CTNNA2: variants seen among roughly 807,000 people sequenced by gnomAD.
The protein encoded by CTNNA2 is catenin alpha-2.
CTNNA2 carries 42 observed loss-of-function variants against 101.0 expected under a neutral mutation model. That is an observed-to-expected ratio of 0.42 (90% CI 0.32 to 0.54). The LOEUF (loss-of-function observed/expected upper bound fraction) is 0.54, where lower values mean the gene tolerates loss of function less well. CTNNA2 is among the 20% of genes least tolerant of loss of function. The pLI is 0.14. For synonymous variants in CTNNA2, 450 were observed against 456.4 expected (o/e 0.99, Z 0.18); for missense variants, 871 against 1,223.1 (o/e 0.71, Z 4.29).
At chr2:80,176,504 C>T (rs147384324) in intron 7 of CTNNA2, among the ~76,000 whole-genome samples, 3 of 152,242 alleles carry the variant, frequency 2.0e-5, no homozygotes, top group Non-Finnish European at 2.9e-5. Flanking sequence ...CCTTCTTCTA[C>T]TACCTATTCT....
intron 7 of CTNNA2, among the ~76,000 whole-genome samples, chr2:80,353,150 A>G (rs1211477450): frequency 6.6e-6 from 1 of 152,014 alleles, no homozygotes. Context: ...TTGCTCATCA[A>G]TCATTAGTAT....
At chr2:80,554,574 AG>A (rs926798535) in intron 11 of CTNNA2, among the ~76,000 whole-genome samples, 16 of 152,168 alleles carry the variant, frequency 1.1e-4, no homozygotes, top group Non-Finnish European at 2.2e-4. Flanking sequence ...GGATAGAAAG[AG>A]GGTAGAAAGA....
intron 4 of CTNNA2, among the ~76,000 whole-genome samples, chr2:79,860,994 A>G (rs953015547): frequency 3.3e-5 from 5 of 152,216 alleles, no homozygotes; most frequent in African/African-American, 7.2e-5. Flanking sequence ...ATAGCTTTAC[A>G]TATTTTGATG....
intron 1 of CTNNA2, among the ~76,000 whole-genome samples, chr2:79,531,411 A>C (rs1016837544): frequency 2.0e-5 from 3 of 151,920 alleles, no homozygotes; most frequent in Non-Finnish European, 4.4e-5. Context: ...CATGAACAAT[A>C]GACTTTGTTG....
rs760259077 is a variant in CTNNA2, at chr2:79,874,257, A to G, written c.767A>G (p.Asn256Ser). Residue 256 changes from asparagine to serine, a missense_variant, in exon 6 of 19, where the codon AAT (asparagine) becomes AGT (serine). Transcript: ENST00000402739. ...CAGGAGGCCATCGCCGGCATCTCCA[A>G]TGCTGCTCAAGCTACCTCGCCCACT... ...QVQEAIAGIS[N>S]AAQATSPTDE... 3.1e-6 allele frequency: 5 copies of G among 1,613,968 alleles called. No homozygotes were observed. In the African/African-American group the frequency reaches 6.7e-5, roughly 22 times the overall value.
chr2:80,209,421 C>T (rs957190774), intron 7 of CTNNA2, among the ~76,000 whole-genome samples: 2 of 151,970 alleles, frequency 1.3e-5, no homozygotes, highest in African/African-American at 2.4e-5. Flanking sequence ...GAACTCCTGA[C>T]CTCAGGTGAT....
At chr2:80,601,447 A>G (rs897676202) in intron 15 of CTNNA2, among the ~76,000 whole-genome samples, 6 of 56,602 alleles carry the variant, frequency 1.1e-4, no homozygotes, top group African/African-American at 4.2e-4. Flanking sequence ...GATGAGTTCT[A>G]TCTGACAACT....
intron 4 of CTNNA2, among the ~76,000 whole-genome samples, chr2:79,462,255 A>C (rs549204070): frequency 2.8e-4 from 42 of 152,222 alleles, no homozygotes; most frequent in Non-Finnish European, 5.9e-4. Flanking sequence ...TCAGATATGT[A>C]AGGGCTCAAA....
chr2:79,991,626 T>C (rs1692187841), intron 7 of CTNNA2, among the ~76,000 whole-genome samples: 1 of 152,234 alleles, frequency 6.6e-6, no homozygotes, highest in African/African-American at 2.4e-5. Flanking sequence ...TGTGTTATTA[T>C]TGTTTGTACT....
intron 3 of CTNNA2, among the ~76,000 whole-genome samples, chr2:79,797,493 T>C (rs980014885): frequency 5.3e-5 from 8 of 151,922 alleles, no homozygotes; most frequent in African/African-American, 1.9e-4. Context: ...ACCTCATCTC[T>C]ACTAAAAATA....
intron 3 of CTNNA2, among the ~76,000 whole-genome samples, chr2:79,756,482 A>G (rs891375931): frequency 6.6e-6 from 1 of 152,232 alleles, no homozygotes; most frequent in Non-Finnish European, 1.5e-5. Context: ...AATAAGTAAA[A>G]TATTAAACAG....
chr2:79,957,443 G>A (rs1233595958), intron 7 of CTNNA2, among the ~76,000 whole-genome samples: 1 of 152,146 alleles, frequency 6.6e-6, no homozygotes, highest in East Asian at 1.9e-4. Context: ...CTTCTTTACT[G>A]GTCTCTGACT....
At chr2:79,207,557 C>T (rs1327647295) in intron 2 of CTNNA2, among the ~76,000 whole-genome samples, 1 of 152,136 alleles carries the variant, frequency 6.6e-6, no homozygotes, top group East Asian at 1.9e-4. Context: ...ATAAAAATCA[C>T]AGATTTCTAG....
At chr2:79,201,822 T>C (rs971685841) in intron 2 of CTNNA2, among the ~76,000 whole-genome samples, 5 of 152,174 alleles carry the variant, frequency 3.3e-5, no homozygotes, top group African/African-American at 1.2e-4. Context: ...AGTCAATTTA[T>C]AGTGTTTATT....
intron 4 of CTNNA2, among the ~76,000 whole-genome samples, chr2:79,465,768 A>T (rs1247282812): frequency 3.6e-5 from 5 of 137,642 alleles, no homozygotes; most frequent in Non-Finnish European, 7.7e-5. Context: ...TTCACTCATG[A>T]TTTGGCTCTC....
intron 7 of CTNNA2, among the ~76,000 whole-genome samples, chr2:80,310,057 G>A (rs1449811787): frequency 1.3e-5 from 2 of 151,982 alleles, no homozygotes; most frequent in Non-Finnish European, 2.9e-5. Flanking sequence ...TTAGCCCCAG[G>A]TAATTAAATT....
chr2:80,618,923 A>G lies in CTNNA2; in HGVS notation c.2431-162A>G, dbSNP rs1699072531. 1.1e-5 allele frequency: 5 copies of G among 447,970 alleles called. No individual in the cohort carries two copies. The South Asian group carries it at 3.0e-4, about 27-fold the overall frequency. 27.7% of individuals were successfully genotyped at this position (447,970 alleles called of 1,614,324 possible). Reference sequence around the variant, plus strand: ...AGGCCGCTTAATGTCAAGAAAGCCCATATGTATATCTCTTTCAGCACGTAA... The same window carrying G: ...AGGCCGCTTAATGTCAAGAAAGCCCGTATGTATATCTCTTTCAGCACGTAA... On this transcript the variant is annotated intron_variant, in intron 17 of 18. Transcript: ENST00000402739.
intron 4 of CTNNA2, among the ~76,000 whole-genome samples, chr2:79,387,108 G>A (rs1573141323): frequency 6.6e-6 from 1 of 152,228 alleles, no homozygotes; most frequent in East Asian, 1.9e-4. Flanking sequence ...TGAGGATCAG[G>A]CTGACCTTTC....
chr2:80,469,133 C>T (rs1685089279), intron 9 of CTNNA2, among the ~76,000 whole-genome samples: 1 of 152,046 alleles, frequency 6.6e-6, no homozygotes, highest in African/African-American at 2.4e-5. Flanking sequence ...TGGTTTTCCC[C>T]CTCAATTTAC....
Sources: allele counts gnomAD v4.1 joint callset (sites outside exome capture counted in the v4.1 genomes callset), GRCh38; gene constraint gnomAD v4.1.1; transcripts MANE v1.5; gene names NCBI Gene and HGNC (gene_info 2026-07-23, HGNC 2026-07-21).